Variants in ADK observed in about 807,000 individuals in gnomAD.
ADK encodes N6,N6-dimethyladenosine kinase.
In ADK, 24 loss-of-function variants were observed where a neutral mutation model predicts 44.7. The observed-to-expected ratio is 0.54, with a 90% CI of 0.39 to 0.76. ADK has a LOEUF of 0.76. ADK is among the 30% of genes least tolerant of loss of function. The pLI is 0.00. For synonymous variants in ADK, 128 were observed against 142.6 expected (o/e 0.90, Z 0.73); for missense variants, 321 against 425.1 (o/e 0.76, Z 2.15).
intron 3 of ADK, among the ~76,000 whole-genome samples, chr10:74,301,317 A>C (rs574685787): frequency 7.2e-5 from 11 of 152,180 alleles, no homozygotes; most frequent in Admixed American, 1.3e-4. Flanking sequence ...GTTCAAGACC[A>C]GTCTGGCCAA....
At chr10:74,197,715 A>AC (rs1281735248) in intron 1 of ADK, among the ~76,000 whole-genome samples, 1 of 150,612 alleles carries the variant, frequency 6.6e-6, no homozygotes, top group Non-Finnish European at 1.5e-5. Flanking sequence ...AAAAAAGAAA[A>AC]AAAAAAAGAA....
At chr10:74,603,765 A>G (rs1852224452) in intron 9 of ADK, among the ~76,000 whole-genome samples, 1 of 152,230 alleles carries the variant, frequency 6.6e-6, no homozygotes, top group Non-Finnish European at 1.5e-5. Flanking sequence ...GTATATACCC[A>G]GTAATGAGAT....
chr10:74,676,185 A>G (rs1855384097), intron 10 of ADK, among the ~76,000 whole-genome samples: 1 of 152,114 alleles, frequency 6.6e-6, no homozygotes, highest in Admixed American at 6.5e-5. Flanking sequence ...GCTGGAGTGC[A>G]GTGACAGAAT....
At chr10:74,561,970 G>T (rs1390339298) in intron 7 of ADK, among the ~76,000 whole-genome samples, 1 of 152,218 alleles carries the variant, frequency 6.6e-6, no homozygotes, top group African/African-American at 2.4e-5. Flanking sequence ...ATTTGATTGT[G>T]AGATTGTATT....
chr10:74,364,313 A>G (rs1369647503), intron 4 of ADK, among the ~76,000 whole-genome samples: 2 of 152,132 alleles, frequency 1.3e-5, no homozygotes, highest in African/African-American at 4.8e-5. Context: ...AAACTCTCCA[A>G]CATTCGCCTT....
At chr10:74,521,587 C>A (rs1848837978) in intron 6 of ADK, among the ~76,000 whole-genome samples, 2 of 152,096 alleles carry the variant, frequency 1.3e-5, no homozygotes, top group South Asian at 4.2e-4. Context: ...AGAATGCTAG[C>A]TATGGGAGGT....
At chr10:74,200,710 A>T in intron 1 of ADK, 54 bp from the exon 2 acceptor site, 1 of 1,171,796 alleles carries the variant, frequency 8.5e-7, no homozygotes, top group Non-Finnish European at 1.3e-6. Flanking sequence ...TGTACCTTTT[A>T]CATATCAACT....
chr10:74,433,174 A>G (rs186613136), intron 6 of ADK, among the ~76,000 whole-genome samples: 36 of 152,328 alleles, frequency 2.4e-4, no homozygotes, highest in Admixed American at 2.2e-3. Context: ...TGTATCAGAA[A>G]TGTCATAATC....
intron 7 of ADK, among the ~76,000 whole-genome samples, chr10:74,584,586 G>T (rs557717922): frequency 6.6e-6 from 1 of 152,090 alleles, no homozygotes; most frequent in African/African-American, 2.4e-5. Context: ...ATACATATAT[G>T]TAGAGAAAGA....
chr10:74,600,989 A>G (rs189820728), intron 9 of ADK, among the ~76,000 whole-genome samples: 2 of 151,960 alleles, frequency 1.3e-5, no homozygotes, highest in Non-Finnish European at 2.9e-5. Context: ...AAAATGATTA[A>G]TAGTGTTAAT....
chr10:74,601,450 T>C (rs1852116200), intron 9 of ADK, among the ~76,000 whole-genome samples: 1 of 152,104 alleles, frequency 6.6e-6, no homozygotes, highest in South Asian at 2.1e-4. Context: ...TACATAGATA[T>C]ATATAGATCA....
intron 3 of ADK, among the ~76,000 whole-genome samples, chr10:74,280,318 G>A (rs1007752262): frequency 6.6e-6 from 1 of 151,754 alleles, no homozygotes; most frequent in Non-Finnish European, 1.5e-5. Context: ...TAGCCAGGAT[G>A]GTATGGATCT....
At chr10:74,181,011 T>C (rs1201949924) in intron 1 of ADK, among the ~76,000 whole-genome samples, 1 of 152,244 alleles carries the variant, frequency 6.6e-6, no homozygotes, top group African/African-American at 2.4e-5. Context: ...CTCTAGAGAA[T>C]GGTGTCATCT....
intron 6 of ADK, among the ~76,000 whole-genome samples, chr10:74,480,940 G>C (rs981988381): frequency 1.3e-5 from 2 of 151,892 alleles, no homozygotes; most frequent in Non-Finnish European, 2.9e-5. Flanking sequence ...GTTTATGTTG[G>C]ATCTTCTTTT....
At chr10:74,434,983 C>T (rs1210619262) in intron 6 of ADK, among the ~76,000 whole-genome samples, 2 of 152,078 alleles carry the variant, frequency 1.3e-5, no homozygotes, top group Non-Finnish European at 2.9e-5. Context: ...ATATATGGGT[C>T]TATGTTGGAC....
intron 7 of ADK, among the ~76,000 whole-genome samples, chr10:74,563,834 T>G (rs959299867): frequency 6.6e-6 from 1 of 152,196 alleles, no homozygotes; most frequent in Non-Finnish European, 1.5e-5. Context: ...GTTTTACTTA[T>G]CAATTTCCCC....
chr10:74,216,935 G>A (rs1844063676), intron 2 of ADK, among the ~76,000 whole-genome samples: 2 of 152,178 alleles, frequency 1.3e-5, no homozygotes, highest in East Asian at 3.9e-4. Context: ...CTCCCAGCGT[G>A]AGCGATGCAG....
At chr10:74,217,485 T>A (rs944063854) in intron 2 of ADK, among the ~76,000 whole-genome samples, 6 of 152,130 alleles carry the variant, frequency 3.9e-5, no homozygotes, top group East Asian at 1.9e-4. Flanking sequence ...TGCAGACTTA[T>A]ATGTCCCTGT....
At chr10:74,521,566 C>G (rs2133596737) in intron 6 of ADK, among the ~76,000 whole-genome samples, 1 of 152,222 alleles carries the variant, frequency 6.6e-6, no homozygotes, top group South Asian at 2.1e-4. Flanking sequence ...TGTGGTTAAT[C>G]CACAGCTGGC....
Sources: gnomAD v4.1 joint callset for allele counts (sites outside exome capture counted in the v4.1 genomes callset) on GRCh38, gnomAD v4.1.1 for gene constraint, MANE v1.5 for transcripts, NCBI Gene and HGNC (gene_info 2026-07-23, HGNC 2026-07-21) for gene names.